PTPN9: variants seen among roughly 807,000 people sequenced by gnomAD.
The protein encoded by PTPN9 is protein tyrosine phosphatase non-receptor type 9.
A neutral mutation model predicts 69.8 loss-of-function variants in PTPN9; 26 were observed. The ratio of observed to expected loss-of-function variants is 0.37; its 90% confidence interval spans 0.27 to 0.52. The LOEUF (loss-of-function observed/expected upper bound fraction) is 0.52. Among genes scored for constraint, PTPN9 ranks in the 20% least tolerant of loss-of-function variants. The probability of loss-of-function intolerance (pLI) is 0.91; values close to 1 mark genes in which losing one functional copy is unlikely to be tolerated. For synonymous variants in PTPN9, 274 were observed against 272.5 expected, an observed-to-expected ratio of 1.01 and a Z score of -0.05; for missense variants, 549 against 740.3, an observed-to-expected ratio of 0.74 and a Z score of 3.00.
At chr15:75,520,437 AATAG>A (rs138397961) in intron 4 of PTPN9, among the ~76,000 whole-genome samples, 3,870 of 140,318 alleles carry the variant, frequency 0.028, 65 homozygotes, top group East Asian at 0.08. Context: ...TAGGGTATAG[AATAG>A]ATAGATAGAT....
At chr15:75,526,148 C>T (rs1016378959) in intron 2 of PTPN9, among the ~76,000 whole-genome samples, 1 of 151,842 alleles carries the variant, frequency 6.6e-6, no homozygotes, top group Non-Finnish European at 1.5e-5. Flanking sequence ...GGTGCCACTA[C>T]ACCCAGCTAA....
chr15:75,489,294 C>A (rs914863143), intron 8 of PTPN9, among the ~76,000 whole-genome samples: 1 of 151,768 alleles, frequency 6.6e-6, no homozygotes, highest in African/African-American at 2.4e-5. Context: ...ATGTTGTACT[C>A]TGGAAAACCT....
chr15:75,539,686 T>C (rs553116048), intron 1 of PTPN9, among the ~76,000 whole-genome samples: 40 of 151,854 alleles, frequency 2.6e-4, no homozygotes, highest in Middle Eastern at 6.9e-3. Context: ...TATTGTTGTT[T>C]TTTGAGATAG....
chr15:75,548,512 C>T (rs1162148633), intron 1 of PTPN9, among the ~76,000 whole-genome samples: 2 of 151,990 alleles, frequency 1.3e-5, no homozygotes, highest in African/African-American at 4.8e-5. Context: ...CCTCAGCCTC[C>T]CAAAGTGCTG....
At chr15:75,576,741 G>C (rs752957636) in intron 1 of PTPN9, among the ~76,000 whole-genome samples, 3 of 152,064 alleles carry the variant, frequency 2.0e-5, no homozygotes, top group Non-Finnish European at 4.4e-5. Context: ...CCTGGAGGCA[G>C]AGGTTGCAGT....
chr15:75,533,105 T>G (rs1456948706), intron 1 of PTPN9, among the ~76,000 whole-genome samples: 1 of 152,222 alleles, frequency 6.6e-6, no homozygotes, highest in East Asian at 1.9e-4. Flanking sequence ...CTATCTATGC[T>G]TATGAAACAC....
intron 9 of PTPN9, among the ~76,000 whole-genome samples, chr15:75,478,754 A>G (rs2074611236): frequency 6.6e-6 from 1 of 152,230 alleles, no homozygotes; most frequent in South Asian, 2.1e-4. Context: ...TCATTTCTCA[A>G]TGCATCATAT....
At chr15:75,559,907 A>T (rs1166608141) in intron 1 of PTPN9, among the ~76,000 whole-genome samples, 3 of 152,120 alleles carry the variant, frequency 2.0e-5, no homozygotes, top group Non-Finnish European at 2.9e-5. Context: ...TGGGAGGCCA[A>T]GGTGGGCAGA....
intron 1 of PTPN9, among the ~76,000 whole-genome samples, chr15:75,542,998 C>CCA (rs2075015833): frequency 1.7e-5 from 2 of 117,468 alleles, no homozygotes; most frequent in African/African-American, 6.4e-5. Context: ...ATCCCTCCCC[C>CCA]CTCCCCCCAC....
chr15:75,469,967 C>G lies in PTPN9; in HGVS notation c.1392G>C (p.Gln464His), dbSNP rs752879409. Residue 464 changes from glutamine to histidine, a missense_variant, in exon 12 of 13, where the codon CAG becomes CAC. By Grantham distance (24) the Gln-to-His change is conservative (BLOSUM62 0). Transcript: ENST00000618819. ...CACCATAGTCTGGCCAGCTCAAGAA[C>G]TGGAAGTGGGTCACCTGGCGTTTCT... is the stretch of plus-strand genomic sequence containing the variant. ...ERQKRQVTHF[Q>H]FLSWPDYGVP... 6.2e-7 allele frequency: 1 copy of G among 1,614,036 alleles called. No individual in the cohort carries two copies. Among genetic ancestry groups the G allele is most frequent in the Non-Finnish European group, 8.5e-7 (1 of 1,179,876 alleles).
At chr15:75,499,491 C>T (rs943134593) in intron 7 of PTPN9, among the ~76,000 whole-genome samples, 2 of 148,456 alleles carry the variant, frequency 1.3e-5, no homozygotes, top group Admixed American at 6.8e-5. Context: ...CAGCAACCTC[C>T]GCCTCCTGGG....
intron 3 of PTPN9, among the ~76,000 whole-genome samples, chr15:75,523,496 G>T (rs1439101969): frequency 1.3e-5 from 2 of 152,080 alleles, no homozygotes; most frequent in Non-Finnish European, 2.9e-5. Context: ...TTCAACTACA[G>T]ACAGATCAAA....
At chr15:75,480,387 G>A (rs1489083375) in intron 8 of PTPN9, among the ~76,000 whole-genome samples, 2 of 152,100 alleles carry the variant, frequency 1.3e-5, no homozygotes, top group African/African-American at 4.8e-5. Flanking sequence ...GGTGGATCAC[G>A]AGGTCAGGAG....
chr15:75,477,923 C>G (rs1468529953), intron 9 of PTPN9, among the ~76,000 whole-genome samples: 3 of 150,804 alleles, frequency 2.0e-5, no homozygotes, highest in African/African-American at 7.3e-5. Flanking sequence ...CCACTGCAAC[C>G]TCTGCCTCCC....
chr15:75,492,020 A>G (rs2074713615), intron 7 of PTPN9, among the ~76,000 whole-genome samples: 1 of 151,974 alleles, frequency 6.6e-6, no homozygotes, highest in Admixed American at 6.6e-5. Flanking sequence ...TCCCAGATGC[A>G]CACCACCACG....
Position 75,466,727 on chromosome 15 carries a change from G to A in PTPN9, c.*2042C>T, listed in dbSNP as rs1269902531. 6.6e-6 allele frequency: 1 copy of A among 152,208 alleles called. No homozygotes were observed. Among genetic ancestry groups the A allele is most frequent in the African/African-American group, 2.4e-5 (1 of 41,430 alleles). 9.4% of individuals were successfully genotyped at this position (152,208 alleles called of 1,614,324 possible). A position where few individuals can be genotyped will look rare whatever the true frequency, so the allele number is the denominator to read the frequency against. ...TCTTCCATGCAGTGAAGAGACCACA[G>A]GCTTTGTAAGCAGACCAACTTGAGC... On this transcript the variant is annotated 3_prime_UTR_variant, in exon 13 of 13. Coordinates refer to ENST00000618819, the MANE Select transcript of PTPN9 (RefSeq NM_002833.4).
rs1226835122 is a variant in PTPN9, at chr15:75,490,169, C to A, written c.1062+39G>T. ...CTTCACTTTGGAAGAAGCTCTATTTCCCCCAGTGCACCTAAAAAGATTACA... is the reference window on the plus strand; with the variant it reads ...CTTCACTTTGGAAGAAGCTCTATTTACCCCAGTGCACCTAAAAAGATTACA... On this transcript the variant is annotated intron_variant, in intron 8 of 12. Transcript: ENST00000618819. 3 of 1,441,662 alleles carry A rather than the reference C, an allele frequency of 2.1e-6. No homozygotes were observed. In the East Asian group the frequency reaches 6.8e-5, roughly 33 times the overall value. The allele number at this position is 1,441,662 out of a possible 1,614,324, so 89.3% of individuals were successfully genotyped here.
At chr15:75,515,800 A>T (rs1348922292) in intron 5 of PTPN9, among the ~76,000 whole-genome samples, 3 of 151,944 alleles carry the variant, frequency 2.0e-5, no homozygotes, top group African/African-American at 7.3e-5. Context: ...CAGGAGGCTG[A>T]GGCAGGAGAA....
intron 1 of PTPN9, among the ~76,000 whole-genome samples, chr15:75,530,830 T>C (rs1423442901): frequency 5.0e-5 from 5 of 100,776 alleles, no homozygotes; most frequent in Non-Finnish European, 9.2e-5. Flanking sequence ...TAATATAATA[T>C]ATATTATAAT....
Sources: gnomAD v4.1 joint callset for allele counts (sites outside exome capture counted in the v4.1 genomes callset) on GRCh38, gnomAD v4.1.1 for gene constraint, MANE v1.5 for transcripts, NCBI Gene and HGNC (gene_info 2026-07-23, HGNC 2026-07-21) for gene names.